PCDHGB1: variants seen among roughly 807,000 people sequenced by gnomAD.
PCDHGB1 encodes the protein protocadherin gamma-B1.
A neutral mutation model predicts 56.6 loss-of-function variants in PCDHGB1; 34 were observed. The ratio of observed to expected loss-of-function variants is 0.60; its 90% CI spans 0.46 to 0.80. The LOEUF (loss-of-function observed/expected upper bound fraction) is 0.80, where lower values mean the gene tolerates loss of function less well. PCDHGB1 is among the 30% of genes least tolerant of loss of function. PCDHGB1 has a pLI of 0.00. For synonymous variants in PCDHGB1, 561 were observed against 505.9 expected (o/e 1.11, Z -1.46); for missense variants, 1,278 against 1,204.6 (o/e 1.06, Z -0.90).
chr5:141,490,151 T>C lies in PCDHGB1; in HGVS notation c.2410-4656T>C, dbSNP rs1449636059. The stretch of plus-strand genomic sequence containing the variant: ...GACCCTAGCAGTGGGGCAATCCATG[T>C]GTTGGGTCCCATAGACTTTGAGGAG... On this transcript the variant is annotated intron_variant, in intron 1 of 3. Transcript: ENST00000523390. The surrounding 1 kb of genome is among the most constrained non-coding windows in gnomAD (Gnocchi z 5.4). 4 of 1,614,210 alleles carry C rather than the reference T, an allele frequency of 2.5e-6. No homozygotes were observed. The highest frequency in any genetic ancestry group is 3.4e-6 in the Non-Finnish European group (4 of 1,180,018).
intron 1 of PCDHGB1, chr5:141,377,997 G>C (rs1774530725): frequency 6.6e-6 from 1 of 152,122 alleles, no homozygotes; most frequent in African/African-American, 2.4e-5. Flanking sequence ...CCTAAAGCTT[G>C]GCTCAAATAA....
chr5:141,356,674 G>A, intron 1 of PCDHGB1: 4 of 1,613,934 alleles, frequency 2.5e-6, no homozygotes, highest in Non-Finnish European at 2.5e-6. Flanking sequence ...TTACTCCCTG[G>A]CCGAAGACAC....
intron 1 of PCDHGB1, chr5:141,372,129 C>A (rs62620756): frequency 0.034 from 55,182 of 1,613,622 alleles, 1,045 homozygotes; most frequent in Middle Eastern, 0.098. Flanking sequence ...CGATATGGTG[C>A]CGCGCTCTGC....
At chr5:141,401,599 G>A (rs368569328) in intron 1 of PCDHGB1, among the ~76,000 whole-genome samples, 22 of 152,278 alleles carry the variant, frequency 1.4e-4, no homozygotes, top group African/African-American at 4.8e-4. Context: ...CTTGAAGAAG[G>A]GGAAAAAGAC....
intron 1 of PCDHGB1, chr5:141,355,718 A>G (rs1398891270): frequency 2.5e-6 from 4 of 1,613,872 alleles, no homozygotes; most frequent in Non-Finnish European, 3.4e-6. Context: ...TACCAGCTCA[A>G]CTCAAACGGT....
In PCDHGB1 at chr5:141,351,662, G is replaced by A. The variant is rs1758780439; in HGVS notation, c.1402G>A (p.Ala468Thr). ...SENNPPGASI[A>T]QVSASDPDLG... is the part of the protein sequence containing the mutation. ...GAACAACCCACCTGGCGCCTCCATT[G>A]CACAAGTAAGCGCCTCCGACCCGGA... The change falls in exon 1 of 4, where the codon GCA becomes ACA. Residue 468 changes from alanine (A) to threonine (T), a missense_variant. Coordinates refer to ENST00000523390, the MANE Select transcript of PCDHGB1 (RefSeq NM_018922.3). 6.2e-7 allele frequency: 1 copy of A among 1,613,900 alleles called. No individual in the cohort carries two copies. The highest frequency in any genetic ancestry group is 1.3e-5 in the African/African-American group (1 of 74,946).
At chr5:141,371,218 C>T (rs1454546023) in intron 1 of PCDHGB1, 1 of 1,613,992 alleles carries the variant, frequency 6.2e-7, no homozygotes, top group South Asian at 1.1e-5. Context: ...GGCATCAATG[C>T]CGAAATCATC....
At chr5:141,370,514 G>C (rs1295709231) in intron 1 of PCDHGB1, 2 of 1,613,894 alleles carry the variant, frequency 1.2e-6, no homozygotes, top group East Asian at 2.2e-5. Context: ...TTCCCGAGGA[G>C]CTGGACAGGG....
In PCDHGB1 at chr5:141,352,611, T is replaced by C; in HGVS notation, c.2351T>C (p.Val784Ala). The C allele has an allele frequency of 6.2e-7, 1 of 1,613,484 alleles. No homozygotes were observed. The highest frequency in any genetic ancestry group is 8.5e-7 in the Non-Finnish European group (1 of 1,179,682). The stretch of plus-strand genomic sequence containing the variant: ...CTGCTGTGTGATGATCCTTCTATGG[T>C]TGTATGTGCCAGTAATGAAGATCAC... ...QDLLCDDPSM[V>A]VCASNEDHKI... The change falls in exon 1 of 4, where the codon GTT becomes GCT. Residue 784 changes from valine to alanine, a missense_variant. Physicochemically the swap from Val to Ala is moderately conservative, Grantham distance 64. Transcript: ENST00000523390.
intron 1 of PCDHGB1, chr5:141,357,272 T>A (rs1760529630): frequency 6.2e-7 from 1 of 1,613,654 alleles, no homozygotes; most frequent in Admixed American, 1.7e-5. Context: ...GGCCTCACAC[T>A]CTATCTCGTG....
rs764434052 is a variant in PCDHGB1, at chr5:141,431,792, C to T, written c.2410-63015C>T. ...TGTTCTGGACGTGAACGACAATGCC[C>T]CAGAAGTGGTCCTCACCTCTCTCGC... is the stretch of plus-strand genomic sequence containing the variant. On this transcript the variant is annotated intron_variant, in intron 1 of 3. Transcript: ENST00000523390. This position sits in a 1 kb window ranked among gnomAD's most constrained non-coding sequence, Gnocchi z 4.8. The T allele has an allele frequency of 3.7e-6, 6 of 1,614,234 alleles. No homozygotes were observed. The South Asian group carries it at 6.6e-5, about 18-fold the overall frequency.
rs563876979 is a variant in PCDHGB1, at chr5:141,417,900, G to A, written c.2409+65231G>A. 5 of 1,583,452 alleles carry A rather than the reference G, an allele frequency of 3.2e-6. No individual in the cohort carries two copies. Among genetic ancestry groups the A allele is most frequent in the South Asian group, 2.3e-5 (2 of 88,062 alleles). On this transcript the variant is annotated intron_variant, in intron 1 of 3. Coordinates refer to ENST00000523390, the MANE Select transcript of PCDHGB1 (RefSeq NM_018922.3). ...GCGCAGAGGCGCCGGGCCGGCCCGC[G>A]GCAGGTACTATTTCCTTTGCTGCTG...
At position 141,409,547 on chromosome 5, in the gene PCDHGB1, G is replaced by T. The variant is rs760802690; in HGVS notation, c.2409+56878G>T. Reference sequence around the variant, plus strand: ...GTATGTCGCTGACATCAACGACAACGCCCCAGTTTTCGACCAGACGTCCTA... The same window carrying T: ...GTATGTCGCTGACATCAACGACAACTCCCCAGTTTTCGACCAGACGTCCTA... On this transcript the variant is annotated intron_variant, in intron 1 of 3. Coordinates refer to ENST00000523390, the MANE Select transcript of PCDHGB1 (RefSeq NM_018922.3). The T allele has an allele frequency of 2.4e-5, 39 of 1,613,818 alleles. No individual in the cohort carries two copies. The highest frequency in any genetic ancestry group is 3.1e-5 in the Non-Finnish European group (36 of 1,179,900).
At chr5:141,400,538 A>G (rs994052728) in intron 1 of PCDHGB1, 1 of 1,613,662 alleles carries the variant, frequency 6.2e-7, no homozygotes, top group African/African-American at 1.3e-5. Context: ...AGTTTCATTT[A>G]TGTCTATTCT....
intron 2 of PCDHGB1, among the ~76,000 whole-genome samples, chr5:141,500,894 C>CAG (rs10656935): frequency 0.58 from 88,074 of 150,994 alleles, 27,125 homozygotes; most frequent in African/African-American, 0.78. Flanking sequence ...TTTTTTGAGA[C>CAG]AGTCTCGCTC....
At chr5:141,360,191 C>A (rs764540512) in intron 1 of PCDHGB1, 3 of 1,611,710 alleles carry the variant, frequency 1.9e-6, no homozygotes, top group East Asian at 2.2e-5. Context: ...GTACTGTTGC[C>A]CTTCCTGTTG....
At chr5:141,410,085 C>T (rs533911183) in intron 1 of PCDHGB1, 29 of 1,612,476 alleles carry the variant, frequency 1.8e-5, no homozygotes, top group South Asian at 1.1e-5. Flanking sequence ...GAGGTGCGCA[C>T]GGCTCGAGCC....
rs1759006095 is a variant in PCDHGB1, at chr5:141,352,414, C to T, written c.2154C>T (p.Asp718=). 2 of 1,614,062 alleles carry T rather than the reference C, an allele frequency of 1.2e-6. No individual in the cohort carries two copies. The highest frequency in any genetic ancestry group is 1.7e-6 in the Non-Finnish European group (2 of 1,179,904). The change falls in exon 1 of 4, where the codon GAC becomes GAT. Residue 718 remains aspartate (D), a synonymous_variant. Transcript: ENST00000523390. ...GCCTGCGACGTTCCTCCAGCCTCGACACTGAGGGCTGCTTTCAAACCGGTC... is the reference window on the plus strand; with the variant it reads ...GCCTGCGACGTTCCTCCAGCCTCGATACTGAGGGCTGCTTTCAAACCGGTC... The part of the protein sequence containing the change: ...ALRLRRSSSL[D]TEGCFQTGLC...
Position 141,489,680 on chromosome 5 carries a change from C to T in PCDHGB1, c.2410-5127C>T, listed in dbSNP as rs758765306. On this transcript the variant is annotated intron_variant, in intron 1 of 3. Coordinates refer to ENST00000523390, the MANE Select transcript of PCDHGB1 (RefSeq NM_018922.3). This position sits in a 1 kb window ranked among gnomAD's most constrained non-coding sequence, Gnocchi z 4.5. ...GAGATGCGCATCTCAGAATCAGCAG[C>T]ATCTGGGGCACGATTCCCACTGGAC... 2 of 1,614,070 alleles carry T rather than the reference C, an allele frequency of 1.2e-6. No individual in the cohort carries two copies. The highest frequency in any genetic ancestry group is 2.2e-5 in the East Asian group (1 of 44,886).
Sources: gnomAD v4.1 joint callset for allele counts (sites outside exome capture counted in the v4.1 genomes callset) on GRCh38, gnomAD v4.1.1 for gene constraint, Gnocchi (gnomAD v3.1) non-coding constraint, MANE v1.5 for transcripts, NCBI Gene and HGNC (gene_info 2026-07-23, HGNC 2026-07-21) for gene names.